POLR1B: variants seen among roughly 807,000 people sequenced by gnomAD.
POLR1B encodes DNA-directed RNA polymerase I subunit RPA2.
POLR1B carries 30 observed loss-of-function variants against 105.8 expected under a neutral mutation model. The observed-to-expected ratio is 0.28, with a 90% CI of 0.21 to 0.38. POLR1B has a LOEUF of 0.38. Among genes scored for constraint, POLR1B ranks in the 10% least tolerant of loss-of-function variants. The pLI is 1.00. For synonymous variants in POLR1B, 485 were observed against 505.1 expected (o/e 0.96, Z 0.53); for missense variants, 976 against 1,435.8 (o/e 0.68, Z 5.17).
At chr2:112,567,848 G>A (rs543723711) in intron 10 of POLR1B, 119 bp from the exon 11 acceptor site, 22 of 813,100 alleles carry the variant, frequency 2.7e-5, no homozygotes, top group Non-Finnish European at 3.7e-5. Flanking sequence ...AGCACCCAAG[G>A]AAGTAGGGCT....
intron 8 of POLR1B, among the ~76,000 whole-genome samples, chr2:112,558,291 T>C (rs1683776749): frequency 6.6e-6 from 1 of 152,236 alleles, no homozygotes; most frequent in South Asian, 2.1e-4. Context: ...ACATTTTCTC[T>C]GCTTCCTTCT....
At chr2:112,552,416 C>A (rs1014765721) in intron 6 of POLR1B, among the ~76,000 whole-genome samples, 4 of 152,138 alleles carry the variant, frequency 2.6e-5, no homozygotes, top group African/African-American at 7.2e-5. Context: ...TCTTATATAA[C>A]CACTGTATAA....
intron 9 of POLR1B, among the ~76,000 whole-genome samples, chr2:112,561,884 C>A (rs1241524940): frequency 5.9e-5 from 9 of 152,066 alleles, no homozygotes; most frequent in Admixed American, 5.9e-4. Context: ...GTTATCCAGG[C>A]TGGTCTCGAA....
At chr2:112,551,404 A>G (rs941641506) in intron 5 of POLR1B, among the ~76,000 whole-genome samples, 4 of 152,236 alleles carry the variant, frequency 2.6e-5, no homozygotes, top group African/African-American at 9.6e-5. Flanking sequence ...GTCTTCCTCC[A>G]TATAGTTAGC....
chr2:112,549,499 CTTTTTTTTTTT>C (rs34591927), intron 4 of POLR1B, 100 bp downstream of exon 4: 1 of 540,176 alleles, frequency 1.9e-6, no homozygotes, highest in Non-Finnish European at 2.7e-6. Context: ...ATTTTTGTTT[CTTTTTTTTTTT>C]TTTTTTGGTA....
intron 14 of POLR1B, 42 bp from the exon 15 acceptor site, chr2:112,574,805 T>G: frequency 1.3e-6 from 2 of 1,518,886 alleles, no homozygotes; most frequent in Non-Finnish European, 1.8e-6. Flanking sequence ...CTCCATAAGT[T>G]AAAACAAATA....
intron 1 of POLR1B, among the ~76,000 whole-genome samples, chr2:112,544,223 G>T (rs1385958786): frequency 6.6e-6 from 1 of 151,986 alleles, no homozygotes; most frequent in East Asian, 1.9e-4. Flanking sequence ...TTGAGGTCAG[G>T]AGTTCCAGAC....
intron 3 of POLR1B, 62 bp downstream of exon 3, chr2:112,547,629 A>G (rs1683126027): frequency 6.5e-7 from 1 of 1,537,674 alleles, no homozygotes; most frequent in Non-Finnish European, 8.8e-7. Context: ...TAAGAAGACA[A>G]GAAGTGTGTC....
At chr2:112,553,230 A>C (rs940643374) in intron 7 of POLR1B, among the ~76,000 whole-genome samples, 4 of 152,216 alleles carry the variant, frequency 2.6e-5, no homozygotes, top group African/African-American at 9.6e-5. Context: ...GGGTCTCCTG[A>C]GGCAAATGTT....
intron 4 of POLR1B, among the ~76,000 whole-genome samples, chr2:112,549,985 C>A (rs1444626097): frequency 3.9e-5 from 6 of 152,184 alleles, no homozygotes; most frequent in Non-Finnish European, 8.8e-5. Context: ...TTTTATCAAT[C>A]ATAAGCATTT....
chr2:112,572,224 G>T (rs1377832329), intron 12 of POLR1B, among the ~76,000 whole-genome samples: 1 of 151,938 alleles, frequency 6.6e-6, no homozygotes, highest in Non-Finnish European at 1.5e-5. Flanking sequence ...CTTCCTTTCT[G>T]TCCCCTTCTA....
At chr2:112,572,305 C>T (rs754697089) in intron 12 of POLR1B, among the ~76,000 whole-genome samples, 7 of 152,154 alleles carry the variant, frequency 4.6e-5, no homozygotes, top group Non-Finnish European at 8.8e-5. Flanking sequence ...TGCAAATACA[C>T]ATAAATCGTA....
chr2:112,545,013 T>A (rs1302171409), intron 1 of POLR1B, among the ~76,000 whole-genome samples: 1 of 152,234 alleles, frequency 6.6e-6, no homozygotes, highest in Non-Finnish European at 1.5e-5. Context: ...AACAAGGTGA[T>A]GCTCGGCCTT....
intron 9 of POLR1B, among the ~76,000 whole-genome samples, chr2:112,563,199 C>T (rs967051549): frequency 9.9e-5 from 15 of 151,828 alleles, no homozygotes; most frequent in African/African-American, 3.6e-4. Flanking sequence ...GGACTACAGG[C>T]GCCCGCCACC....
intron 1 of POLR1B, among the ~76,000 whole-genome samples, chr2:112,543,461 C>T (rs1470261497): frequency 1.3e-5 from 2 of 152,200 alleles, no homozygotes; most frequent in East Asian, 3.9e-4. Flanking sequence ...AGCCTATGGG[C>T]GGCGCAACTA....
chr2:112,549,191 T>C, intron 3 of POLR1B, 76 bp from the exon 4 acceptor site: 1 of 1,510,696 alleles, frequency 6.6e-7, no homozygotes, highest in Non-Finnish European at 9.2e-7. Flanking sequence ...GTACTACCTT[T>C]GGCTAGGAGT....
chr2:112,562,825 A>G (rs1338149971), intron 9 of POLR1B, among the ~76,000 whole-genome samples: 3 of 147,218 alleles, frequency 2.0e-5, no homozygotes, highest in South Asian at 4.3e-4. Flanking sequence ...TCCCAGGTTC[A>G]AGTGATTCTC....
chr2:112,574,900 G>A lies in POLR1B; in HGVS notation c.2579G>A (p.Gly860Glu), dbSNP rs1287668192. 1 of 1,613,954 alleles carries A rather than the reference G, an allele frequency of 6.2e-7. No individual in the cohort carries two copies. The highest frequency in any genetic ancestry group is 8.5e-7 in the Non-Finnish European group (1 of 1,179,988). Residue 860 changes from glycine to glutamate, a missense_variant, in exon 15 of 15, where the codon GGG becomes GAG. Coordinates refer to ENST00000263331, the MANE Select transcript of POLR1B (RefSeq NM_019014.6). Reference sequence around the variant, plus strand: ...ATCAAAGTGTGCAGTAATGACACTGGGAGTGGAAAATTCAAGTGTGTTTGC... The same window carrying A: ...ATCAAAGTGTGCAGTAATGACACTGAGAGTGGAAAATTCAAGTGTGTTTGC... ...DNIKVCSNDT[G>E]SGKFKCVCIT...
intron 7 of POLR1B, chr2:112,553,682 A>G (rs1329463047): frequency 6.6e-6 from 1 of 152,114 alleles, no homozygotes; most frequent in South Asian, 2.1e-4. Context: ...GTGTTAATGA[A>G]TTAACAAGGT....
Sources: gnomAD v4.1 joint callset for allele counts (sites outside exome capture counted in the v4.1 genomes callset) on GRCh38, gnomAD v4.1.1 for gene constraint, MANE v1.5 for transcripts, NCBI Gene and HGNC (gene_info 2026-07-23, HGNC 2026-07-21) for gene names.